The following KHDRBS3 variants were observed in gnomAD, a reference collection of about 807,000 sequenced individuals.
KHDRBS3 encodes KH RNA binding domain containing, signal transduction associated 3, also known as KH domain-containing, RNA-binding, signal transduction-associated protein 3.
KHDRBS3 carries 23 observed loss-of-function variants against 45.6 expected under a neutral mutation model. The ratio of observed to expected loss-of-function variants is 0.50; its 90% CI spans 0.36 to 0.72. KHDRBS3 has a LOEUF of 0.72. Among genes scored for constraint, KHDRBS3 ranks in the 30% least tolerant of loss-of-function variants. The pLI is 0.00. For synonymous variants in KHDRBS3, 162 were observed against 156.5 expected, an observed-to-expected ratio of 1.04 and a Z score of -0.26; for missense variants, 352 against 424.8, an observed-to-expected ratio of 0.83 and a Z score of 1.51.
chr8:135,579,541 T>C (rs1218454479), intron 5 of KHDRBS3, among the ~76,000 whole-genome samples: 1 of 152,182 alleles, frequency 6.6e-6, no homozygotes, highest in African/African-American at 2.4e-5. Flanking sequence ...TTCACCATGT[T>C]GGCCATGCTG....
At chr8:135,505,406 C>A (rs2130538292) in intron 1 of KHDRBS3, among the ~76,000 whole-genome samples, 1 of 152,234 alleles carries the variant, frequency 6.6e-6, no homozygotes, top group South Asian at 2.1e-4. Context: ...GAGAGCTCTC[C>A]TTCAGGGCTA....
intron 1 of KHDRBS3, among the ~76,000 whole-genome samples, chr8:135,509,908 C>G (rs1018954772): frequency 2.0e-5 from 3 of 151,250 alleles, no homozygotes; most frequent in African/African-American, 7.3e-5. Flanking sequence ...TTCTTGAAAT[C>G]CATTCTATAA....
chr8:135,618,209 A>G (rs1191324737), intron 7 of KHDRBS3, among the ~76,000 whole-genome samples: 1 of 152,194 alleles, frequency 6.6e-6, no homozygotes, highest in African/African-American at 2.4e-5. Context: ...TGAACTTACA[A>G]TATAACAGTG....
chr8:135,528,016 A>T (rs149660337), intron 2 of KHDRBS3, among the ~76,000 whole-genome samples: 1 of 152,266 alleles, frequency 6.6e-6, no homozygotes, highest in East Asian at 1.9e-4. Flanking sequence ...TGTGATTGTG[A>T]TTCTCAAGGT....
At chr8:135,587,655 A>G (rs78858724) in intron 6 of KHDRBS3, among the ~76,000 whole-genome samples, 1,619 of 152,340 alleles carry the variant, frequency 0.011, 25 homozygotes, top group African/African-American at 0.035. Context: ...CAAATTAATT[A>G]GGATAACCCA....
intron 2 of KHDRBS3, among the ~76,000 whole-genome samples, chr8:135,526,576 A>T (rs191314935): frequency 5.3e-4 from 81 of 152,316 alleles, no homozygotes; most frequent in Middle Eastern, 3.4e-3. Context: ...CAGTTAATAG[A>T]ATGAACTGGA....
chr8:135,541,141 A>G (rs1483424649), intron 2 of KHDRBS3: 2 of 152,264 alleles, frequency 1.3e-5, no homozygotes, highest in African/African-American at 4.8e-5. Flanking sequence ...TAGGAAATGT[A>G]TTTAAATTCT....
chr8:135,646,387 C>T (rs1174348436), intron 8 of KHDRBS3, among the ~76,000 whole-genome samples: 1 of 152,130 alleles, frequency 6.6e-6, no homozygotes, highest in African/African-American at 2.4e-5. Context: ...TGAAATCTGA[C>T]ATTATGTCGT....
intron 1 of KHDRBS3, among the ~76,000 whole-genome samples, chr8:135,461,683 T>A (rs1821440206): frequency 6.6e-6 from 1 of 152,224 alleles, no homozygotes; most frequent in African/African-American, 2.4e-5. Context: ...TTGGTTTGGA[T>A]GGTTTTCAAT....
intron 5 of KHDRBS3, among the ~76,000 whole-genome samples, chr8:135,564,534 T>A (rs1349759935): frequency 6.6e-6 from 1 of 152,188 alleles, no homozygotes; most frequent in Non-Finnish European, 1.5e-5. Flanking sequence ...GGGGCAAATA[T>A]CATGAAAAAA....
intron 4 of KHDRBS3, among the ~76,000 whole-genome samples, chr8:135,556,541 G>A (rs144605375): frequency 0.082 from 12,445 of 152,196 alleles, 613 homozygotes; most frequent in East Asian, 0.18. Context: ...CTTTTGAGAA[G>A]TGTCTGTTCA....
At chr8:135,570,487 A>G (rs1827648481) in intron 5 of KHDRBS3, among the ~76,000 whole-genome samples, 1 of 152,238 alleles carries the variant, frequency 6.6e-6, no homozygotes. Context: ...TAATGTACCA[A>G]TCAATATTAA....
chr8:135,477,159 T>C (rs939143847), intron 1 of KHDRBS3, among the ~76,000 whole-genome samples: 1 of 152,132 alleles, frequency 6.6e-6, no homozygotes, highest in Non-Finnish European at 1.5e-5. Context: ...CATATACAGA[T>C]AGATAGATAC....
chr8:135,458,960 A>G (rs1333474125), intron 1 of KHDRBS3: 2 of 456,160 alleles, frequency 4.4e-6, no homozygotes, highest in Admixed American at 4.7e-5. Context: ...TTCCTGGAAT[A>G]TGTGTTTCAG....
Position 135,607,006 on chromosome 8 carries a change from TATG to T in KHDRBS3, c.862_864del (p.Asp288del), listed in dbSNP as rs1240115886. ...TTATGATGAACAGAGTTATGATTCC[TATG>T]ATAACAGCTATAGCACCCCAGCCCA... On this transcript the variant is annotated inframe_deletion, in exon 7 of 9. Transcript: ENST00000355849. 2 of 1,613,624 alleles carry T rather than the reference TATG, an allele frequency of 1.2e-6. No individual in the cohort carries two copies. Among genetic ancestry groups the T allele is most frequent in the Non-Finnish European group, 1.7e-6 (2 of 1,179,682 alleles).
At chr8:135,531,335 A>G (rs1006718120) in intron 2 of KHDRBS3, among the ~76,000 whole-genome samples, 2 of 152,130 alleles carry the variant, frequency 1.3e-5, no homozygotes, top group African/African-American at 2.4e-5. Context: ...CTCAACCACT[A>G]CTAATAATAC....
intron 1 of KHDRBS3, among the ~76,000 whole-genome samples, chr8:135,505,907 G>A (rs1458025478): frequency 6.6e-6 from 1 of 152,122 alleles, no homozygotes; most frequent in Non-Finnish European, 1.5e-5. Flanking sequence ...TGGAAACACA[G>A]TGGGAAGGAA....
intron 2 of KHDRBS3, chr8:135,541,420 A>AT (rs1826043966): frequency 6.6e-6 from 1 of 152,240 alleles, no homozygotes; most frequent in African/African-American, 2.4e-5. Flanking sequence ...TGAAAATGGC[A>AT]TTTTAACAAG....
At chr8:135,503,803 G>A (rs1301768736) in intron 1 of KHDRBS3, among the ~76,000 whole-genome samples, 1 of 152,102 alleles carries the variant, frequency 6.6e-6, no homozygotes, top group Non-Finnish European at 1.5e-5. Flanking sequence ...TGCCACAATT[G>A]ATTGGTTTTC....
Sources: allele counts gnomAD v4.1 joint callset (sites outside exome capture counted in the v4.1 genomes callset), GRCh38; gene constraint gnomAD v4.1.1; transcripts MANE v1.5; gene names NCBI Gene and HGNC (gene_info 2026-07-23, HGNC 2026-07-21).